Variants in TFDP1 observed in about 807,000 individuals in gnomAD.
The protein encoded by TFDP1 is DRTF1-polypeptide 1.
TFDP1 carries 6 observed loss-of-function variants against 48.0 expected under a neutral mutation model. The observed-to-expected ratio is 0.13, with a 90% CI of 0.07 to 0.25. The LOEUF (loss-of-function observed/expected upper bound fraction) is 0.25. TFDP1 is among the 10% of genes least tolerant of loss of function. The pLI, the probability that TFDP1 is intolerant of heterozygous loss-of-function variation, is 1.00. For synonymous variants in TFDP1, 201 were observed against 211.6 expected (o/e 0.95, Z 0.44); for missense variants, 335 against 543.0 (o/e 0.62, Z 3.81).
intron 4 of TFDP1, among the ~76,000 whole-genome samples, chr13:113,626,308 A>G (rs1319310901): frequency 6.6e-6 from 1 of 152,156 alleles, no homozygotes; most frequent in Non-Finnish European, 1.5e-5. Context: ...TACCAGGGAT[A>G]TTTTGGTCAT....
chr13:113,599,173 T>G (rs1024467720), intron 2 of TFDP1, among the ~76,000 whole-genome samples: 1 of 152,150 alleles, frequency 6.6e-6, no homozygotes, highest in Non-Finnish European at 1.5e-5. Flanking sequence ...TCCTAGGTTT[T>G]TTTTTTTCAC....
chr13:113,619,871 G>C (rs1456576850), intron 3 of TFDP1, among the ~76,000 whole-genome samples: 1 of 152,034 alleles, frequency 6.6e-6, no homozygotes, highest in Non-Finnish European at 1.5e-5. Context: ...GCTTGGCAAG[G>C]CCTTGGGCTC....
At chr13:113,585,551 C>T (rs1256290274) in intron 1 of TFDP1, 1 of 328,478 alleles carries the variant, frequency 3.0e-6, no homozygotes, top group Non-Finnish European at 5.7e-6. Flanking sequence ...GGTGGTGACC[C>T]TGCGGGCCCG....
At chr13:113,625,049 ACG>A in intron 4 of TFDP1, among the ~76,000 whole-genome samples, 1 of 97,960 alleles carries the variant, frequency 1.0e-5, no homozygotes, top group Non-Finnish European at 2.1e-5. Flanking sequence ...GGTGTCTCTC[ACG>A]TGTCCTCAGG....
intron 2 of TFDP1, among the ~76,000 whole-genome samples, chr13:113,594,159 C>T (rs1227433429): frequency 1.3e-5 from 2 of 148,224 alleles, no homozygotes; most frequent in Non-Finnish European, 3.0e-5. Flanking sequence ...GGTCCTCAGC[C>T]GTGCCCAGGT....
chr13:113,617,201 A>C (rs2048879728), intron 3 of TFDP1, among the ~76,000 whole-genome samples: 1 of 152,160 alleles, frequency 6.6e-6, no homozygotes, highest in African/African-American at 2.4e-5. Flanking sequence ...GCCAGAGTAG[A>C]TAGCTTTTGT....
Position 113,623,463 on chromosome 13 carries a change from C to T in TFDP1, c.186+177C>T, listed in dbSNP as rs2049045343. ...CTAGATTTTCCATAGCCCTCTGCAG[C>T]TGCCCACGTGTTGTTGTGGGAGAGG... On this transcript the variant is annotated intron_variant, in intron 4 of 11. Transcript: ENST00000375370. The surrounding 1 kb of genome is among the most constrained non-coding windows in gnomAD (Gnocchi z 5.2). Among the ~76,000 whole-genome samples, 1 of 152,172 alleles carries T rather than the reference C, an allele frequency of 6.6e-6. No homozygotes were observed. The highest frequency in any genetic ancestry group is 2.4e-5 in the African/African-American group (1 of 41,430).
chr13:113,629,541 G>C (rs2049278348), intron 4 of TFDP1, among the ~76,000 whole-genome samples: 1 of 152,164 alleles, frequency 6.6e-6, no homozygotes, highest in Non-Finnish European at 1.5e-5. Flanking sequence ...TTTTGAGTGT[G>C]GTATTCAGTG....
rs2140531408 is a variant in TFDP1 at position 113,627,256 on chromosome 13, C to G, written c.186+3970C>G. Among the ~76,000 whole-genome samples, 1 of 152,294 alleles carries G rather than the reference C, an allele frequency of 6.6e-6. No homozygotes were observed. ...GCGCAGGGCTTGTCAAGGTCAGGGT[C>G]TTTTGAGGTGCGGATGCTTGTGAAG... On this transcript the variant is annotated intron_variant, in intron 4 of 11. Coordinates refer to ENST00000375370, the MANE Select transcript of TFDP1 (RefSeq NM_007111.5). This position sits in a 1 kb window ranked among gnomAD's most constrained non-coding sequence, Gnocchi z 4.1.
At chr13:113,621,782 C>T (rs893908406) in intron 3 of TFDP1, among the ~76,000 whole-genome samples, 1 of 152,164 alleles carries the variant, frequency 6.6e-6, no homozygotes, top group African/African-American at 2.4e-5. Flanking sequence ...ACTTAGCAGA[C>T]CGGGAAAGGG....
intron 3 of TFDP1, among the ~76,000 whole-genome samples, chr13:113,617,259 CTGAA>C (rs1159543898): frequency 6.6e-6 from 1 of 152,222 alleles, no homozygotes; most frequent in Non-Finnish European, 1.5e-5. Context: ...TTTCCTGAGT[CTGAA>C]TGGAGTCTGG....
Position 113,640,509 on chromosome 13 carries a change from G to T in TFDP1, c.*242G>T. ...GTTTATTTACTTGTTAGGATTTTGTGTTTTCATTTGCTATTTTTCTTTAAG... is the reference window on the plus strand; with the variant it reads ...GTTTATTTACTTGTTAGGATTTTGTTTTTTCATTTGCTATTTTTCTTTAAG... On this transcript the variant is annotated 3_prime_UTR_variant, in exon 12 of 12. Coordinates refer to ENST00000375370, the MANE Select transcript of TFDP1 (RefSeq NM_007111.5). 2 of 508,952 alleles carry T rather than the reference G, an allele frequency of 3.9e-6. No homozygotes were observed. Among genetic ancestry groups the T allele is most frequent in the Non-Finnish European group, 6.1e-6 (2 of 327,474 alleles). 31.5% of individuals were successfully genotyped at this position (508,952 alleles called of 1,614,324 possible).
chr13:113,585,590 C>T (rs2047982209), intron 1 of TFDP1, 184 bp from the exon 2 acceptor site: 2 of 412,534 alleles, frequency 4.8e-6, no homozygotes, highest in Admixed American at 3.9e-5. Flanking sequence ...GGGGCATTTC[C>T]GTCTGGCGAG....
At chr13:113,592,841 T>C (rs760005705) in intron 2 of TFDP1, among the ~76,000 whole-genome samples, 13 of 138,832 alleles carry the variant, frequency 9.4e-5, no homozygotes, top group Non-Finnish European at 1.7e-4. Flanking sequence ...TGGTGTGTGC[T>C]GGTCTTCAGC....
intron 2 of TFDP1, among the ~76,000 whole-genome samples, chr13:113,589,011 T>A (rs1373346889): frequency 1.4e-5 from 2 of 144,582 alleles, no homozygotes; most frequent in East Asian, 4.2e-4. Context: ...TGGAGGAGAG[T>A]GAGTGTGGTG....
chr13:113,616,078 C>T (rs1000605884), intron 3 of TFDP1, among the ~76,000 whole-genome samples: 1 of 151,748 alleles, frequency 6.6e-6, no homozygotes, highest in Non-Finnish European at 1.5e-5. Flanking sequence ...TGGTACACGC[C>T]TGTAATCCCA....
At chr13:113,631,274 C>T (rs1326320503) in intron 4 of TFDP1, among the ~76,000 whole-genome samples, 1 of 152,202 alleles carries the variant, frequency 6.6e-6, no homozygotes, top group Non-Finnish European at 1.5e-5. Flanking sequence ...CTGTGCCGCC[C>T]CCTTCATTAA....
At chr13:113,629,626 G>A (rs904269733) in intron 4 of TFDP1, among the ~76,000 whole-genome samples, 14 of 152,338 alleles carry the variant, frequency 9.2e-5, no homozygotes, top group Non-Finnish European at 1.8e-4. Context: ...GCTAACATGC[G>A]TGATCTGAGC....
intron 3 of TFDP1, among the ~76,000 whole-genome samples, chr13:113,613,669 G>A (rs1421961295): frequency 6.8e-6 from 1 of 146,864 alleles, no homozygotes; most frequent in Non-Finnish European, 1.5e-5. Context: ...GGGTATGAGT[G>A]TGTGTGTGCA....
Sources: gnomAD v4.1 joint callset for allele counts (sites outside exome capture counted in the v4.1 genomes callset) on GRCh38, gnomAD v4.1.1 for gene constraint, Gnocchi (gnomAD v3.1) non-coding constraint, MANE v1.5 for transcripts, NCBI Gene and HGNC (gene_info 2026-07-23, HGNC 2026-07-21) for gene names.